The following LOC400499 variants were observed in gnomAD, a reference collection of about 807,000 sequenced individuals.
the LOC400499 span, chr16:11,442,206 T>C: frequency 6.6e-6 from 1 of 152,164 alleles, no homozygotes; most frequent in Non-Finnish European, 1.5e-5. Context: ...ATTAAACAGC[T>C]TATTTTATTC....
the LOC400499 span, chr16:11,384,101 G>C: frequency 8.1e-7 from 1 of 1,228,352 alleles, no homozygotes; most frequent in Non-Finnish European, 1.0e-6. Flanking sequence ...CCCAAACCCT[G>C]GGCCTACGAA....
At chr16:11,491,598 G>C in the LOC400499 span, 4 of 380,528 alleles carry the variant, frequency 1.1e-5, no homozygotes, top group Admixed American at 1.3e-4. Flanking sequence ...ATACCAAAGG[G>C]GTGGAGGGAG....
At chr16:11,428,817 T>C in the LOC400499 span, among the ~76,000 whole-genome samples, 43,694 of 151,834 alleles carry the variant, frequency 0.29, 7,825 homozygotes, top group Admixed American at 0.44. Context: ...GGAGAGTGGA[T>C]AGGGGATAAA....
chr16:11,430,555 A>G, the LOC400499 span, among the ~76,000 whole-genome samples: 1 of 152,158 alleles, frequency 6.6e-6, no homozygotes, highest in Middle Eastern at 3.2e-3. Context: ...TTCAGGAATA[A>G]AATAATATGT....
chr16:11,390,070 C>T, the LOC400499 span: 1 of 1,206,478 alleles, frequency 8.3e-7, no homozygotes, highest in Middle Eastern at 3.2e-4. Context: ...ATGTGGCAGG[C>T]ACGCAGGATG....
the LOC400499 span, among the ~76,000 whole-genome samples, chr16:11,490,348 A>G: frequency 4.7e-5 from 7 of 148,716 alleles, no homozygotes; most frequent in African/African-American, 1.7e-4. Context: ...GTGAGCCACA[A>G]CTGTGCCATT....
At chr16:11,465,857 G>C in the LOC400499 span, among the ~76,000 whole-genome samples, 2 of 151,640 alleles carry the variant, frequency 1.3e-5, no homozygotes, top group Non-Finnish European at 2.9e-5. Flanking sequence ...AAGAGGAAAA[G>C]AGAGGGAATA....
the LOC400499 span, among the ~76,000 whole-genome samples, chr16:11,375,193 C>T: frequency 4.2e-5 from 6 of 142,802 alleles, 1 homozygote; most frequent in African/African-American, 1.7e-4. Flanking sequence ...ATAGCTGCAG[C>T]ACCATTTTAT....
the LOC400499 span, among the ~76,000 whole-genome samples, chr16:11,419,758 AC>A: frequency 1.3e-5 from 2 of 152,228 alleles, no homozygotes; most frequent in Non-Finnish European, 2.9e-5. Context: ...CAAGAAAAAA[AC>A]AACCCCATCA....
chr16:11,489,609 C>A, the LOC400499 span, among the ~76,000 whole-genome samples: 1 of 152,044 alleles, frequency 6.6e-6, no homozygotes, highest in Admixed American at 6.6e-5. Flanking sequence ...CAGAATAGAG[C>A]AGAATGTGGG....
chr16:11,427,607 C>T, the LOC400499 span, among the ~76,000 whole-genome samples: 150 of 151,816 alleles, frequency 9.9e-4, no homozygotes, highest in Non-Finnish European at 1.8e-3. Context: ...CCATGCCCAA[C>T]TAATTTTTTT....
At chr16:11,407,592 A>G in the LOC400499 span, among the ~76,000 whole-genome samples, 2 of 152,218 alleles carry the variant, frequency 1.3e-5, no homozygotes, top group African/African-American at 4.8e-5. Context: ...TGACTTGAAA[A>G]TATCTACCAG....
chr16:11,433,142 C>G, the LOC400499 span, among the ~76,000 whole-genome samples: 309 of 152,272 alleles, frequency 2.0e-3, 1 homozygote, highest in African/African-American at 7.1e-3. Context: ...TGAGTAGTTG[C>G]AACAGAGACC....
chr16:11,378,904 A>T, the LOC400499 span, among the ~76,000 whole-genome samples: 3 of 152,216 alleles, frequency 2.0e-5, no homozygotes. Context: ...CAACTGGTCT[A>T]TAGTATTGTT....
chr16:11,513,722 C>A, the LOC400499 span, among the ~76,000 whole-genome samples: 1 of 152,168 alleles, frequency 6.6e-6, no homozygotes, highest in African/African-American at 2.4e-5. Flanking sequence ...TGAGCCACTA[C>A]ATCTGGCCAA....
chr16:11,485,396 C>G, the LOC400499 span, among the ~76,000 whole-genome samples: 1 of 152,192 alleles, frequency 6.6e-6, no homozygotes, highest in Non-Finnish European at 1.5e-5. Flanking sequence ...ACAATATACT[C>G]AGACTGGAAT....
chr16:11,374,219 T>C, the LOC400499 span, among the ~76,000 whole-genome samples: 2 of 152,182 alleles, frequency 1.3e-5, no homozygotes, highest in Non-Finnish European at 2.9e-5. Context: ...CTCTTAGAAT[T>C]TTATCTCCTT....
chr16:11,474,829 C>T, the LOC400499 span, among the ~76,000 whole-genome samples: 3 of 152,078 alleles, frequency 2.0e-5, no homozygotes, highest in South Asian at 2.1e-4. Context: ...ATGATTGCAC[C>T]ATTGCACTCC....
chr16:11,456,847 G>A, the LOC400499 span: 28 of 1,536,124 alleles, frequency 1.8e-5, no homozygotes, highest in Non-Finnish European at 2.2e-5. Flanking sequence ...AGGCCCCACA[G>A]CCAACACTCA....
Sources: allele counts gnomAD v4.1 joint callset (sites outside exome capture counted in the v4.1 genomes callset), GRCh38; gene constraint gnomAD v4.1.1; transcripts MANE v1.5.